The following SAE1 variants were observed in gnomAD, a reference collection of about 807,000 sequenced individuals.
SAE1 encodes SUMO-activating enzyme subunit 1.
In SAE1, 11 loss-of-function variants were observed where a neutral mutation model predicts 40.6. The ratio of observed to expected loss-of-function variants is 0.27; its 90% CI spans 0.17 to 0.45. The LOEUF (loss-of-function observed/expected upper bound fraction) is 0.45, where lower values mean the gene tolerates loss of function less well. Among genes scored for constraint, SAE1 ranks in the 20% least tolerant of loss-of-function variants. The pLI, the probability that SAE1 is intolerant of heterozygous loss-of-function variation, is 1.00. For missense variants in SAE1, 373 were observed against 427.3 expected (o/e 0.87, Z 1.12); for synonymous variants, 155 against 154.3 (o/e 1.00, Z -0.03).
At chr19:47,203,824 G>C in intron 8 of SAE1, 84 bp downstream of exon 8, 1 of 1,215,004 alleles carries the variant, frequency 8.2e-7, no homozygotes, top group Non-Finnish European at 1.2e-6. Flanking sequence ...GTCTTAGACA[G>C]CTGCCTGCTT....
chr19:47,185,488 T>C (rs908783917), intron 6 of SAE1, among the ~76,000 whole-genome samples: 4 of 151,970 alleles, frequency 2.6e-5, no homozygotes, highest in South Asian at 2.1e-4. Context: ...GTATTTTTAG[T>C]GGACACGAGG....
chr19:47,183,446 T>TA (rs1246496665), intron 6 of SAE1, among the ~76,000 whole-genome samples: 2 of 152,168 alleles, frequency 1.3e-5, no homozygotes, highest in Non-Finnish European at 2.9e-5. Context: ...TCAGTCAGAC[T>TA]TTAATTATTA....
At chr19:47,173,379 A>C (rs1343190372) in intron 6 of SAE1, among the ~76,000 whole-genome samples, 1 of 151,706 alleles carries the variant, frequency 6.6e-6, no homozygotes, top group Non-Finnish European at 1.5e-5. Flanking sequence ...CCACCTGTCC[A>C]CCCCTCCAAC....
In SAE1 at chr19:47,148,617, C is replaced by CT. The variant is rs923760660; in HGVS notation, c.211-1570dup. Among the ~76,000 whole-genome samples, 1,324 of 139,448 alleles carry CT rather than the reference C, an allele frequency of 9.5e-3. 13 individuals carry two copies. The highest frequency in any genetic ancestry group is 0.019 in the African/African-American group (734 of 38,312). The allele number at this position is 139,448 out of a possible 152,430, so 91.5% of individuals were successfully genotyped here. A position where few individuals can be genotyped will look rare whatever the true frequency, so the allele number is the denominator to read the frequency against. On this transcript the variant is annotated intron_variant, in intron 2 of 8. Transcript: ENST00000270225. The stretch of plus-strand genomic sequence containing the variant: ...ACTCATCTCTCCACCTCTCTGAGTT[C>CT]TTTTTTTTTTTTTTTGAGACAGAGT...
intron 2 of SAE1, among the ~76,000 whole-genome samples, chr19:47,148,668 G>A (rs1304872742): frequency 6.7e-6 from 1 of 150,214 alleles, no homozygotes; most frequent in Non-Finnish European, 1.5e-5. Context: ...AGGCTGGAGT[G>A]CAGTGGCACG....
chr19:47,169,456 G>A (rs1379187624), intron 5 of SAE1, among the ~76,000 whole-genome samples: 1 of 152,166 alleles, frequency 6.6e-6, no homozygotes, highest in African/African-American at 2.4e-5. Flanking sequence ...ATGTTGGCCA[G>A]GCTGGTCTCG....
intron 2 of SAE1, 32 bp downstream of exon 2, chr19:47,143,637 T>C (rs1454397882): frequency 6.7e-7 from 1 of 1,494,838 alleles, no homozygotes; most frequent in African/African-American, 1.4e-5. Flanking sequence ...CCTCCCCTGC[T>C]CTGGCTCCCC....
rs764456184 is a variant in SAE1, at chr19:47,197,268, C to G, written c.769C>G (p.Pro257Ala). Residue 257 changes from proline to alanine, a missense_variant, in exon 7 of 9, where the codon CCC becomes GCC. Physicochemically the swap from Pro to Ala is conservative, Grantham distance 27 (BLOSUM62 -1). Coordinates refer to ENST00000270225, the MANE Select transcript of SAE1 (RefSeq NM_005500.3). The stretch of plus-strand genomic sequence containing the variant: ...GTTCCGTACAGATAAAGGAAGAGAT[C>G]CCAGTTCTGATACATATGAGGAAGA... The part of the protein sequence containing the change: ...LKFRTDKGRD[P>A]SSDTYEEDSE... The G allele has an allele frequency of 8.1e-6, 13 of 1,613,666 alleles. No individual in the cohort carries two copies. In the South Asian group the frequency reaches 1.2e-4, roughly 15 times the overall value.
Position 47,209,318 on chromosome 19 carries a change from C to T in SAE1, c.*67C>T. 6.2e-7 allele frequency: 1 copy of T among 1,610,370 alleles called. No individual in the cohort carries two copies. The highest frequency in any genetic ancestry group is 8.5e-7 in the Non-Finnish European group (1 of 1,177,786). ...CCCACCTGTATTCCCTGTCCCCTTC[C>T]TTCATGAAGGCATCTCCAGGCAAGG... On this transcript the variant is annotated 3_prime_UTR_variant, in exon 9 of 9. Coordinates refer to ENST00000270225, the MANE Select transcript of SAE1 (RefSeq NM_005500.3).
At chr19:47,140,955 T>C (rs1489073878) in intron 1 of SAE1, among the ~76,000 whole-genome samples, 1 of 151,920 alleles carries the variant, frequency 6.6e-6, no homozygotes, top group African/African-American at 2.4e-5. Context: ...TTCAAGCGAT[T>C]CTCCTGCCTC....
intron 1 of SAE1, among the ~76,000 whole-genome samples, chr19:47,136,187 A>G (rs558903110): frequency 6.6e-6 from 1 of 151,740 alleles, no homozygotes; most frequent in Non-Finnish European, 1.5e-5. Context: ...TGCCCAGGCT[A>G]GAGGACAGTG....
At position 47,154,480 on chromosome 19, in the gene SAE1, CTTTTTTTTTT is replaced by C. The variant is rs57870733; in HGVS notation, c.528-613_528-604del. Among the ~76,000 whole-genome samples the C allele has an allele frequency of 3.7e-3, 193 of 51,606 alleles. 1 individual carries two copies. Among genetic ancestry groups the C allele is most frequent in the Non-Finnish European group, 4.9e-3 (148 of 30,308 alleles). 33.9% of individuals were successfully genotyped at this position (51,606 alleles called of 152,430 possible). On this transcript the variant is annotated intron_variant, in intron 4 of 8. Coordinates refer to ENST00000270225, the MANE Select transcript of SAE1 (RefSeq NM_005500.3). ...AGCAGAGGGGCAGAATTAAGTTTGG[CTTTTTTTTTT>C]TTTTTTTTTTTTTTTTTTTTCTGAG...
Position 47,152,428 on chromosome 19 carries a change from T to C in SAE1, c.385-470T>C, listed in dbSNP as rs181574625. 1.9e-3 allele frequency among the ~76,000 whole-genome samples: 289 copies of C among 152,356 alleles called. 2 individuals carry two copies. Among genetic ancestry groups the C allele is most frequent in the African/African-American group, 6.8e-3 (284 of 41,582 alleles). On this transcript the variant is annotated intron_variant, in intron 3 of 8. Transcript: ENST00000270225. ...CTCAACAGGACTTGTTTATCTTCTT[T>C]ATCTTAACATATCAATCAAAAGGAG...
At chr19:47,167,010 G>A (rs1292139322) in intron 5 of SAE1, among the ~76,000 whole-genome samples, 1 of 151,694 alleles carries the variant, frequency 6.6e-6, no homozygotes, top group Non-Finnish European at 1.5e-5. Context: ...GGAGTGTAGT[G>A]GTGTGACCTT....
chr19:47,191,486 A>G (rs576027747), intron 6 of SAE1, among the ~76,000 whole-genome samples: 405 of 152,316 alleles, frequency 2.7e-3, no homozygotes, highest in Middle Eastern at 6.8e-3. Flanking sequence ...AAGGGTATCA[A>G]CACTGCCTGA....
At position 47,209,449 on chromosome 19, in the gene SAE1, T is replaced by C. The variant is rs1600224727; in HGVS notation, c.*198T>C. 1.1e-6 allele frequency: 1 copy of C among 892,566 alleles called. No individual in the cohort carries two copies. The highest frequency in any genetic ancestry group is 1.7e-5 in the African/African-American group (1 of 59,440). 55.3% of individuals were successfully genotyped at this position (892,566 alleles called of 1,614,324 possible). The stretch of plus-strand genomic sequence containing the variant: ...CAGCTGCTCGACAAGGGGCGCAGGG[T>C]GGCTGTCTTTGTTCCAGCACTGTTC... On this transcript the variant is annotated 3_prime_UTR_variant, in exon 9 of 9. Transcript: ENST00000270225.
chr19:47,183,245 A>G (rs576392745), intron 6 of SAE1, among the ~76,000 whole-genome samples: 10 of 151,958 alleles, frequency 6.6e-5, no homozygotes, highest in Non-Finnish European at 1.5e-4. Context: ...CATTGTGATC[A>G]TATTAAATCT....
intron 1 of SAE1, among the ~76,000 whole-genome samples, chr19:47,133,149 G>T (rs747248960): frequency 2.6e-5 from 4 of 152,212 alleles, no homozygotes; most frequent in African/African-American, 7.2e-5. Flanking sequence ...ATGATTTGAG[G>T]AGTAGCTTTT....
chr19:47,203,137 T>C (rs1277054033), intron 7 of SAE1, among the ~76,000 whole-genome samples: 1 of 152,092 alleles, frequency 6.6e-6, no homozygotes, highest in Non-Finnish European at 1.5e-5. Flanking sequence ...TCATCTAAAA[T>C]TTGTCCTCTA....
Sources: gnomAD v4.1 joint callset for allele counts (sites outside exome capture counted in the v4.1 genomes callset) on GRCh38, gnomAD v4.1.1 for gene constraint, MANE v1.5 for transcripts, NCBI Gene and HGNC (gene_info 2026-07-23, HGNC 2026-07-21) for gene names.